Variants in C10orf88 observed in about 807,000 individuals in gnomAD.
The protein encoded by C10orf88 is chromosome 10 open reading frame 88.
Under a neutral mutation model 34.2 loss-of-function variants are expected in C10orf88, and 29 were observed. That is an observed-to-expected ratio of 0.85 (90% CI 0.63 to 1.16). The LOEUF (loss-of-function observed/expected upper bound fraction) is 1.16. C10orf88 is among the 50% of genes most tolerant of loss of function. C10orf88 has a pLI of 0.00. For missense variants in C10orf88, 507 were observed against 533.2 expected (o/e 0.95, Z 0.48); for synonymous variants, 194 against 197.4 (o/e 0.98, Z 0.15).
intron 5 of C10orf88, among the ~76,000 whole-genome samples, chr10:122,934,646 G>A (rs1193964954): frequency 6.6e-6 from 1 of 152,122 alleles, no homozygotes; most frequent in African/African-American, 2.4e-5. Flanking sequence ...TTTCTGTGTG[G>A]ACCTGAGCTT....
rs72839731 is a variant in C10orf88, at chr10:122,950,611, C to G, written c.441+1343G>C. ...ATTATCCCCCTTTCTCTTTTTAACC[C>G]CATAGCCTTTTTCACCATTAAATAT... On this transcript the variant is annotated intron_variant, in intron 3 of 5. Coordinates refer to ENST00000481909, the MANE Select transcript of C10orf88 (RefSeq NM_024942.4). Among the ~76,000 whole-genome samples, 3 of 152,288 alleles carry G rather than the reference C, an allele frequency of 2.0e-5. No individual in the cohort carries two copies. The South Asian group carries it at 6.2e-4, about 32-fold the overall frequency.
intron 5 of C10orf88, among the ~76,000 whole-genome samples, chr10:122,934,032 TA>T (rs1264470861): frequency 1.3e-5 from 2 of 152,150 alleles, no homozygotes; most frequent in African/African-American, 4.8e-5. Context: ...TGAGAGCCAC[TA>T]CTCTAGAATA....
intron 4 of C10orf88, among the ~76,000 whole-genome samples, chr10:122,947,610 C>T (rs1848651795): frequency 6.6e-6 from 1 of 152,172 alleles, no homozygotes. Flanking sequence ...ACTTCCCTTC[C>T]AGCCACTGAA....
At position 122,937,839 on chromosome 10, in the gene C10orf88, G is replaced by A. The variant is rs781258643; in HGVS notation, c.969C>T (p.Asn323=). 4 of 1,613,222 alleles carry A rather than the reference G, an allele frequency of 2.5e-6. No individual in the cohort carries two copies. The Admixed American group carries it at 6.7e-5, about 27-fold the overall frequency. The part of the protein sequence containing the change: ...ASFLPKKVSD[N]SNIPNSELLP... ...GCAACTCGGAGTTGGGTATATTTGAGTTGTCACTTACTTTCTTTGGTAAGA... is the reference window on the plus strand; with the variant it reads ...GCAACTCGGAGTTGGGTATATTTGAATTGTCACTTACTTTCTTTGGTAAGA... Residue 323 remains asparagine (N), a synonymous_variant, in exon 5 of 6, where the codon AAC becomes AAT. Transcript: ENST00000481909.
intron 4 of C10orf88, among the ~76,000 whole-genome samples, chr10:122,948,100 C>G (rs1442747731): frequency 6.6e-6 from 1 of 152,174 alleles, no homozygotes; most frequent in African/African-American, 2.4e-5. Context: ...CTGAAATCTA[C>G]TTTAAACTTT....
In C10orf88 at chr10:122,938,007, G is replaced by A. The variant is rs778614923; in HGVS notation, c.801C>T (p.Asn267=). ...FPFRTGLTSG[N]VTENLQTYID... The stretch of plus-strand genomic sequence containing the variant: ...TGTAAGTTTGTAAGTTTTCAGTCAC[G>A]TTCCCAGATGTCAATCCAGTTCTAA... Residue 267 remains asparagine (N), a synonymous_variant, in exon 5 of 6, where the codon AAC becomes AAT. Coordinates refer to ENST00000481909, the MANE Select transcript of C10orf88 (RefSeq NM_024942.4). 3.7e-6 allele frequency: 6 copies of A among 1,613,308 alleles called. No homozygotes were observed. The highest frequency in any genetic ancestry group is 2.7e-5 in the African/African-American group (2 of 74,968).
At position 122,949,570 on chromosome 10, in the gene C10orf88, A is replaced by G. The variant is rs1405127280; in HGVS notation, c.442-715T>C. ...CAAAAGGATGATTCATGTTCCAGAC[A>G]GGACTGAGCAGGATGGCAGGAGATT... On this transcript the variant is annotated intron_variant, in intron 3 of 5. Coordinates refer to ENST00000481909, the MANE Select transcript of C10orf88 (RefSeq NM_024942.4). Among the ~76,000 whole-genome samples, 4 of 152,248 alleles carry G rather than the reference A, an allele frequency of 2.6e-5. No individual in the cohort carries two copies. The East Asian group carries it at 7.7e-4, about 29-fold the overall frequency.
At chr10:122,952,547 A>G (rs547762951) in intron 2 of C10orf88, among the ~76,000 whole-genome samples, 1 of 152,314 alleles carries the variant, frequency 6.6e-6, no homozygotes, top group African/African-American at 2.4e-5. Flanking sequence ...ACACTTCTCA[A>G]AATTTCATTC....
At chr10:122,951,439 T>G (rs2133337286) in intron 3 of C10orf88, among the ~76,000 whole-genome samples, 1 of 152,140 alleles carries the variant, frequency 6.6e-6, no homozygotes, top group East Asian at 1.9e-4. Flanking sequence ...ACTCCTGGGC[T>G]TGAGCAATCC....
intron 5 of C10orf88, among the ~76,000 whole-genome samples, chr10:122,935,607 TA>T (rs942092176): frequency 6.6e-6 from 1 of 151,874 alleles, no homozygotes; most frequent in African/African-American, 2.4e-5. Flanking sequence ...TTTTCCATTT[TA>T]AAAAATTCTC....
At chr10:122,943,733 T>C (rs1322657598) in intron 4 of C10orf88, among the ~76,000 whole-genome samples, 1 of 151,950 alleles carries the variant, frequency 6.6e-6, no homozygotes, top group Non-Finnish European at 1.5e-5. Flanking sequence ...CAGACACTTC[T>C]CAAAAGAAGA....
chr10:122,941,221 CT>C (rs1314281729), intron 4 of C10orf88, among the ~76,000 whole-genome samples: 1 of 151,998 alleles, frequency 6.6e-6, no homozygotes, highest in Non-Finnish European at 1.5e-5. Context: ...CAATCATATG[CT>C]ACACCCTTTG....
intron 4 of C10orf88, among the ~76,000 whole-genome samples, chr10:122,946,596 A>G (rs150916220): frequency 1.1e-4 from 16 of 152,308 alleles, no homozygotes; most frequent in African/African-American, 2.6e-4. Flanking sequence ...AACAAGACAG[A>G]TAAGTCTTGT....
Position 122,954,101 on chromosome 10 carries a change from G to C in C10orf88, c.78C>G (p.Ala26=), listed in dbSNP as rs1053802116. Residue 26 remains alanine (A), a synonymous_variant, in exon 1 of 6, where the codon GCC becomes GCG. Transcript: ENST00000481909. ...LASSWDVAGG[A]LTHSLLLTRA... is the part of the protein sequence containing the mutation. ...GGGTGAGGAGGAGGCTGTGGGTCAG[G>C]GCCCCGCCTGCAACATCCCAAGAAG... is the stretch of plus-strand genomic sequence containing the variant. The C allele has an allele frequency of 6.3e-7, 1 of 1,581,758 alleles. No homozygotes were observed. Among genetic ancestry groups the C allele is most frequent in the Non-Finnish European group, 8.6e-7 (1 of 1,167,762 alleles).
At chr10:122,936,153 A>G (rs1848532337) in intron 5 of C10orf88, among the ~76,000 whole-genome samples, 1 of 151,828 alleles carries the variant, frequency 6.6e-6, no homozygotes, top group African/African-American at 2.4e-5. Flanking sequence ...GGACTATTTT[A>G]TTACTTATTT....
At chr10:122,938,421 C>T (rs1307971111) in intron 4 of C10orf88, among the ~76,000 whole-genome samples, 2 of 151,990 alleles carry the variant, frequency 1.3e-5, no homozygotes, top group Admixed American at 1.3e-4. Context: ...TCAATCATTT[C>T]ATTGTAGTTT....
chr10:122,935,863 ATATATTT>A (rs1410928562), intron 5 of C10orf88, among the ~76,000 whole-genome samples: 1 of 151,406 alleles, frequency 6.6e-6, no homozygotes, highest in African/African-American at 2.4e-5. Flanking sequence ...AAATTTTTTC[ATATATTT>A]TATAAGTATT....
chr10:122,936,906 T>C (rs1848538326), intron 5 of C10orf88, among the ~76,000 whole-genome samples: 1 of 152,026 alleles, frequency 6.6e-6, no homozygotes, highest in African/African-American at 2.4e-5. Flanking sequence ...TAATCTATCT[T>C]TGCAAATCTT....
chr10:122,951,923 T>C (rs772845810), intron 3 of C10orf88, 31 bp downstream of exon 3: 5 of 1,354,204 alleles, frequency 3.7e-6, no homozygotes, highest in African/African-American at 2.9e-5. Context: ...AACAACTTAG[T>C]TGTCAAATTA....
Sources: allele counts gnomAD v4.1 joint callset (sites outside exome capture counted in the v4.1 genomes callset), GRCh38; gene constraint gnomAD v4.1.1; transcripts MANE v1.5; gene names NCBI Gene and HGNC (gene_info 2026-07-23, HGNC 2026-07-21).